GLT1D1: variants seen among roughly 807,000 people sequenced by gnomAD.
GLT1D1 encodes glycosyltransferase 1 domain-containing protein 1.
In GLT1D1, 21 loss-of-function variants were observed where a neutral mutation model predicts 28.7. That is an observed-to-expected ratio of 0.73 (90% CI 0.52 to 1.05). The LOEUF is 1.05. Among genes scored for constraint, GLT1D1 ranks in the 50% least tolerant of loss-of-function variants. The pLI, the probability that GLT1D1 is intolerant of heterozygous loss-of-function variation, is 0.00. For synonymous variants in GLT1D1, 147 were observed against 124.8 expected (o/e 1.18, Z -1.19); for missense variants, 343 against 330.6 (o/e 1.04, Z -0.29).
intron 4 of GLT1D1, among the ~76,000 whole-genome samples, chr12:128,934,196 G>GTTTTT (rs1410503648): frequency 7.8e-6 from 1 of 128,686 alleles, no homozygotes. Context: ...CAAAGAGACA[G>GTTTTT]TCTTTTTTTT....
chr12:128,895,754 C>T (rs750793012), intron 3 of GLT1D1, among the ~76,000 whole-genome samples: 7 of 152,072 alleles, frequency 4.6e-5, no homozygotes, highest in Non-Finnish European at 8.8e-5. Flanking sequence ...CCACCGCTTC[C>T]GGCCTTACAG....
At chr12:128,908,158 T>G (rs1435689348) in intron 4 of GLT1D1, among the ~76,000 whole-genome samples, 1 of 152,052 alleles carries the variant, frequency 6.6e-6, no homozygotes, top group Non-Finnish European at 1.5e-5. Context: ...CTCAGCTCAC[T>G]GCAGCCTCCG....
intron 7 of GLT1D1, among the ~76,000 whole-genome samples, chr12:128,974,225 G>A (rs1047993471): frequency 1.3e-5 from 2 of 152,136 alleles, no homozygotes; most frequent in Non-Finnish European, 2.9e-5. Flanking sequence ...AGCTCTGTGC[G>A]TTTTTACTAG....
intron 7 of GLT1D1, among the ~76,000 whole-genome samples, chr12:128,960,995 G>T (rs472954): frequency 2.0e-5 from 3 of 152,072 alleles, no homozygotes; most frequent in Admixed American, 6.5e-5. Context: ...AAGTTCAACA[G>T]GTTAGATTGT....
At chr12:128,927,520 G>A (rs1256923178) in intron 4 of GLT1D1, among the ~76,000 whole-genome samples, 1 of 151,990 alleles carries the variant, frequency 6.6e-6, no homozygotes, top group Non-Finnish European at 1.5e-5. Context: ...TTACAGGCGT[G>A]AGCCACCGCG....
intron 5 of GLT1D1, among the ~76,000 whole-genome samples, chr12:128,946,318 C>T (rs1041578685): frequency 2.6e-5 from 4 of 152,138 alleles, no homozygotes; most frequent in African/African-American, 9.7e-5. Flanking sequence ...GTGACATTAT[C>T]GTCTCTAGTA....
At position 128,956,171 on chromosome 12, in the gene GLT1D1, A is replaced by AAAAAAAAAAAAAAAAAAAAAAAAAAGAG. The variant is rs374597920; in HGVS notation, c.541-1373_541-1372insAAAAAAAAAAAAAAAAAAAAAAAAGAGA. ...GAGACTCCATCTCAAAAAAAAAAAA[A>AAAAAAAAAAAAAAAAAAAAAAAAAAGAG]AGAGAAAGAGAGAAAGAAAGAAAGA... On this transcript the variant is annotated intron_variant, in intron 6 of 7. Coordinates refer to ENST00000281703, the MANE Select transcript of GLT1D1 (RefSeq NM_144669.3). Among the ~76,000 whole-genome samples the AAAAAAAAAAAAAAAAAAAAAAAAAAGAG allele has an allele frequency of 5.3e-4, 34 of 63,950 alleles. 2 individuals are homozygous for AAAAAAAAAAAAAAAAAAAAAAAAAAGAG. The highest frequency in any genetic ancestry group is 7.3e-4 in the South Asian group (1 of 1,374). The allele number at this position is 63,950 out of a possible 152,430, so 42.0% of individuals were successfully genotyped here.
At chr12:128,982,847 A>G (rs1362698872) in intron 7 of GLT1D1, 82 bp from the exon 12 acceptor site, 31 of 1,319,162 alleles carry the variant, frequency 2.3e-5, no homozygotes, top group Non-Finnish European at 3.0e-5. Context: ...CCAGCAGCCA[A>G]TGCAGACACA....
At chr12:128,962,771 G>T (rs932331238) in intron 7 of GLT1D1, among the ~76,000 whole-genome samples, 2 of 151,996 alleles carry the variant, frequency 1.3e-5, no homozygotes, top group African/African-American at 4.8e-5. Flanking sequence ...ATGTGATCTC[G>T]GCTTGCTGCA....
intron 4 of GLT1D1, among the ~76,000 whole-genome samples, chr12:128,900,060 A>C (rs1444209274): frequency 6.6e-6 from 1 of 152,156 alleles, no homozygotes; most frequent in Non-Finnish European, 1.5e-5. Flanking sequence ...GATGACTTAG[A>C]GGGCTGGTGT....
At position 128,942,743 on chromosome 12, in the gene GLT1D1, G is replaced by GTTT. The variant is rs1254764237; in HGVS notation, c.376-2580_376-2578dup. On this transcript the variant is annotated intron_variant, in intron 4 of 7. Coordinates refer to ENST00000281703, the MANE Select transcript of GLT1D1 (RefSeq NM_144669.3). ...AGATTCCAATTTTCTTTGTTTGTTT[G>GTTT]TTTTTGTTTTTTGTTTTTTTTTTTT... 5.0e-5 allele frequency among the ~76,000 whole-genome samples: 5 copies of GTTT among 100,876 alleles called. 1 individual carries two copies. Among genetic ancestry groups the GTTT allele is most frequent in the South Asian group, 3.6e-4 (1 of 2,758 alleles). The allele number at this position is 100,876 out of a possible 152,430, so 66.2% of individuals were successfully genotyped here.
Position 128,931,123 on chromosome 12 carries a change from T to C in GLT1D1, c.376-14203T>C, listed in dbSNP as rs534843846. Among the ~76,000 whole-genome samples the C allele has an allele frequency of 3.3e-5, 5 of 151,200 alleles. No individual in the cohort carries two copies. In the East Asian group the frequency reaches 9.9e-4, roughly 30 times the overall value. On this transcript the variant is annotated intron_variant, in intron 4 of 7. Coordinates refer to ENST00000281703, the MANE Select transcript of GLT1D1 (RefSeq NM_144669.3). ...TTCAAGCAATTCTCCTGCCTCAGAC[T>C]CCTTAGTAGCCGGGACTACAGGCAC... is the stretch of plus-strand genomic sequence containing the variant.
At position 128,983,167 on chromosome 12, in the gene GLT1D1, G is replaced by A. The variant is rs947608945; in HGVS notation, c.*77G>A. ...ACTCAGAGACAGAGTTCTGGATCAC[G>A]TGGGCCCAGTGCAGTTCAAATAAAA... On this transcript the variant is annotated 3_prime_UTR_variant, in exon 8 of 8. Transcript: ENST00000281703. The surrounding 1 kb of genome is among the most constrained non-coding windows in gnomAD (Gnocchi z 4.7). 50 of 1,329,436 alleles carry A rather than the reference G, an allele frequency of 3.8e-5. No homozygotes were observed. Among genetic ancestry groups the A allele is most frequent in the South Asian group, 5.0e-5 (4 of 80,776 alleles). The allele number at this position is 1,329,436 out of a possible 1,614,324, so 82.4% of individuals were successfully genotyped here.
intron 1 of GLT1D1, among the ~76,000 whole-genome samples, chr12:128,873,563 G>T (rs1303309194): frequency 6.6e-6 from 1 of 152,090 alleles, no homozygotes; most frequent in Non-Finnish European, 1.5e-5. Flanking sequence ...TTGGTCACAG[G>T]GTTTGTGCAT....
intron 4 of GLT1D1, among the ~76,000 whole-genome samples, chr12:128,943,960 C>T (rs545484551): frequency 1.3e-5 from 2 of 152,238 alleles, no homozygotes; most frequent in African/African-American, 2.4e-5. Flanking sequence ...CACTTATTAA[C>T]TGAACAAAAA....
chr12:128,967,859 C>T (rs1878613275), intron 7 of GLT1D1, among the ~76,000 whole-genome samples: 1 of 152,228 alleles, frequency 6.6e-6, no homozygotes. Context: ...GTGCACAGCA[C>T]ACAGTAGGTC....
rs61169176 is a variant in GLT1D1, at chr12:128,973,179, G to GTTTTTTTTTTTTTTTTTTTTTTTTTTTTT, written c.640-9723_640-9722insTTTTTTTTTTTTTTTTTTTTTTTTTTTTT. On this transcript the variant is annotated intron_variant, in intron 7 of 7. Transcript: ENST00000281703. ...CTTTTCTGTTTTGTTTGTTTGCTTG[G>GTTTTTTTTTTTTTTTTTTTTTTTTTTTTT]TTTTTTTTTTTTTTTTTTTTTTTTT... is the stretch of plus-strand genomic sequence containing the variant. Among the ~76,000 whole-genome samples, 46 of 50,986 alleles carry GTTTTTTTTTTTTTTTTTTTTTTTTTTTTT rather than the reference G, an allele frequency of 9.0e-4. 11 individuals are homozygous for GTTTTTTTTTTTTTTTTTTTTTTTTTTTTT. The highest frequency in any genetic ancestry group is 1.3e-3 in the Non-Finnish European group (33 of 24,890). The allele number at this position is 50,986 out of a possible 152,430, so 33.4% of individuals were successfully genotyped here.
At chr12:128,883,002 C>T (rs1048675500) in intron 2 of GLT1D1, among the ~76,000 whole-genome samples, 47 of 151,558 alleles carry the variant, frequency 3.1e-4, no homozygotes, top group East Asian at 4.0e-4. Flanking sequence ...CTCGGCTCAC[C>T]GCAACCTCTG....
chr12:128,944,381 C>CT (rs1055579792), intron 4 of GLT1D1: 448 of 1,060,420 alleles, frequency 4.2e-4, no homozygotes, highest in Middle Eastern at 9.3e-4. Context: ...TCCAACACCG[C>CT]TTTTTTTCTG....
Sources: allele counts gnomAD v4.1 joint callset (sites outside exome capture counted in the v4.1 genomes callset), GRCh38; gene constraint gnomAD v4.1.1; non-coding constraint Gnocchi (gnomAD v3.1); transcripts MANE v1.5; gene names NCBI Gene and HGNC (gene_info 2026-07-23, HGNC 2026-07-21).